The following KCNIP3 variants were observed in gnomAD, a reference collection of about 807,000 sequenced individuals.
KCNIP3 encodes calsenilin.
KCNIP3 carries 28 observed loss-of-function variants against 35.0 expected under a neutral mutation model. The ratio of observed to expected loss-of-function variants is 0.80; its 90% confidence interval spans 0.59 to 1.10. KCNIP3 has a LOEUF of 1.10. Among genes scored for constraint, KCNIP3 ranks in the 50% least tolerant of loss-of-function variants. KCNIP3 has a pLI of 0.00. For missense variants in KCNIP3, 295 were observed against 338.4 expected, an observed-to-expected ratio of 0.87 and a Z score of 1.01; for synonymous variants, 134 against 133.8, an observed-to-expected ratio of 1.00 and a Z score of -0.01.
intron 1 of KCNIP3, among the ~76,000 whole-genome samples, chr2:95,309,452 C>T (rs1156885274): frequency 2.1e-5 from 3 of 144,124 alleles, no homozygotes; most frequent in Admixed American, 7.0e-5. Context: ...TTGAGACAGT[C>T]TGGCTCTGTT....
chr2:95,319,148 C>T (rs1678529406), intron 2 of KCNIP3, among the ~76,000 whole-genome samples: 1 of 152,188 alleles, frequency 6.6e-6, no homozygotes, highest in Non-Finnish European at 1.5e-5. Context: ...CTCACGCATC[C>T]CCAAACAAGT....
rs529377653 is a variant in KCNIP3, at chr2:95,376,853, C to T, written c.447+1645C>T. On this transcript the variant is annotated intron_variant, in intron 5 of 8. Coordinates refer to ENST00000295225, the MANE Select transcript of KCNIP3 (RefSeq NM_013434.5). The surrounding 1 kb of genome is among the most constrained non-coding windows in gnomAD (Gnocchi z 4.2). ...GAGCCTCCTACGTGCGTCTGTAATG[C>T]AAGGCAACCCTGCATGACACTGTCT... Among the ~76,000 whole-genome samples, 2 of 152,298 alleles carry T rather than the reference C, an allele frequency of 1.3e-5. No individual in the cohort carries two copies.
chr2:95,306,178 G>A (rs1199484452), intron 1 of KCNIP3, among the ~76,000 whole-genome samples: 4 of 152,170 alleles, frequency 2.6e-5, no homozygotes, highest in African/African-American at 9.7e-5. Context: ...TTTGGTTCTA[G>A]CTGTTCGGAC....
At chr2:95,325,561 G>A (rs1227441997) in intron 2 of KCNIP3, among the ~76,000 whole-genome samples, 2 of 151,928 alleles carry the variant, frequency 1.3e-5, no homozygotes, top group Non-Finnish European at 2.9e-5. Flanking sequence ...CCAGAGCAGG[G>A]GGCAGGTCAG....
intron 2 of KCNIP3, among the ~76,000 whole-genome samples, chr2:95,329,324 C>G (rs1678870133): frequency 6.6e-6 from 1 of 152,196 alleles, no homozygotes; most frequent in Non-Finnish European, 1.5e-5. Flanking sequence ...TCGACTAAGC[C>G]AAAGGTCTGG....
rs1226801749 is a variant in KCNIP3, at chr2:95,377,092, A to G, written c.447+1884A>G. ...GTGGCTCCTGCTCCCATCCCCACGGACCTTCTGGGATTTGCCAGCAGCAGG... is the reference window on the plus strand; with the variant it reads ...GTGGCTCCTGCTCCCATCCCCACGGGCCTTCTGGGATTTGCCAGCAGCAGG... On this transcript the variant is annotated intron_variant, in intron 5 of 8. Coordinates refer to ENST00000295225, the MANE Select transcript of KCNIP3 (RefSeq NM_013434.5). This position sits in a 1 kb window ranked among gnomAD's most constrained non-coding sequence, Gnocchi z 4.7. 1.3e-5 allele frequency among the ~76,000 whole-genome samples: 2 copies of G among 152,122 alleles called. No homozygotes were observed. The highest frequency in any genetic ancestry group is 4.8e-5 in the African/African-American group (2 of 41,428).
At position 95,376,463 on chromosome 2, in the gene KCNIP3, C is replaced by T. The variant is rs149971905; in HGVS notation, c.447+1255C>T. The stretch of plus-strand genomic sequence containing the variant: ...CCATCACCCTCGCTGTCCTGAGGGA[C>T]AGCCTTGTGGCCCTTTAAGGAAGCA... On this transcript the variant is annotated intron_variant, in intron 5 of 8. Coordinates refer to ENST00000295225, the MANE Select transcript of KCNIP3 (RefSeq NM_013434.5). The surrounding 1 kb of genome is among the most constrained non-coding windows in gnomAD (Gnocchi z 4.2). Among the ~76,000 whole-genome samples the T allele has an allele frequency of 1.1e-4, 16 of 152,330 alleles. No homozygotes were observed. The highest frequency in any genetic ancestry group is 2.1e-4 in the South Asian group (1 of 4,822).
intron 2 of KCNIP3, among the ~76,000 whole-genome samples, chr2:95,339,647 C>T (rs1325640316): frequency 6.6e-6 from 1 of 151,878 alleles, no homozygotes; most frequent in African/African-American, 2.4e-5. Flanking sequence ...AATAGTGAGA[C>T]CCCCAAAACC....
At chr2:95,333,333 A>G (rs1678978959) in intron 2 of KCNIP3, among the ~76,000 whole-genome samples, 2 of 152,206 alleles carry the variant, frequency 1.3e-5, no homozygotes, top group South Asian at 2.1e-4. Flanking sequence ...TATTTGTCAA[A>G]TGAGTAAATG....
intron 2 of KCNIP3, among the ~76,000 whole-genome samples, chr2:95,342,425 C>T (rs903389624): frequency 3.3e-5 from 5 of 152,198 alleles, no homozygotes; most frequent in African/African-American, 1.2e-4. Flanking sequence ...TAGGGGCCTT[C>T]TTAGGACTGT....
At position 95,310,395 on chromosome 2, in the gene KCNIP3, T is replaced by A; in HGVS notation, c.56T>A (p.Leu19His). The change falls in exon 2 of 9, where the codon CTC becomes CAC. Residue 19 changes from leucine (L) to histidine (H), a missense_variant. Coordinates refer to ENST00000295225, the MANE Select transcript of KCNIP3 (RefSeq NM_013434.5). ...KASDGSLLGD[L>H]GHTPLSKKEG... The stretch of plus-strand genomic sequence containing the variant: ...TCGGACGGCAGCCTCCTGGGGGACC[T>A]CGGGCACACACCACTTAGCAAGAAG... 1.9e-6 allele frequency: 3 copies of A among 1,613,222 alleles called. No individual in the cohort carries two copies. The highest frequency in any genetic ancestry group is 1.1e-5 in the South Asian group (1 of 90,966).
intron 2 of KCNIP3, among the ~76,000 whole-genome samples, chr2:95,319,245 G>C (rs923693310): frequency 6.6e-6 from 1 of 152,218 alleles, no homozygotes; most frequent in South Asian, 2.1e-4. Flanking sequence ...TGGTGGAGCC[G>C]GGGGCTCAGT....
intron 2 of KCNIP3, chr2:95,346,621 C>G (rs972883298): frequency 1.4e-5 from 2 of 144,962 alleles, no homozygotes; most frequent in African/African-American, 5.0e-5. Context: ...GCCGCGCCCC[C>G]GCGCCCCGGC....
At chr2:95,344,385 T>C (rs1679294769) in intron 2 of KCNIP3, among the ~76,000 whole-genome samples, 2 of 152,112 alleles carry the variant, frequency 1.3e-5, no homozygotes, top group South Asian at 2.1e-4. Flanking sequence ...CCTACGCTGG[T>C]GAGTGAGCCT....
intron 2 of KCNIP3, among the ~76,000 whole-genome samples, chr2:95,368,199 G>C (rs1679962276): frequency 6.6e-6 from 1 of 152,196 alleles, no homozygotes; most frequent in African/African-American, 2.4e-5. Flanking sequence ...TTAGTGATCA[G>C]CTGTACTGTA....
At chr2:95,373,374 T>A in intron 2 of KCNIP3, among the ~76,000 whole-genome samples, 1 of 147,780 alleles carries the variant, frequency 6.8e-6, no homozygotes, top group Non-Finnish European at 1.5e-5. Context: ...AAATTGCACC[T>A]CCCCCTCAAA....
intron 2 of KCNIP3, among the ~76,000 whole-genome samples, chr2:95,363,590 A>C (rs1328414617): frequency 6.6e-6 from 1 of 152,054 alleles, no homozygotes; most frequent in South Asian, 2.1e-4. Context: ...TATACATTTC[A>C]GTGTGTGTTT....
intron 2 of KCNIP3, among the ~76,000 whole-genome samples, chr2:95,329,822 C>T (rs1678883030): frequency 6.6e-6 from 1 of 152,216 alleles, no homozygotes; most frequent in Non-Finnish European, 1.5e-5. Flanking sequence ...TGTGAGATGC[C>T]CCTGCTTACT....
intron 2 of KCNIP3, among the ~76,000 whole-genome samples, chr2:95,335,036 G>A (rs1209258507): frequency 6.6e-6 from 1 of 152,222 alleles, no homozygotes; most frequent in Non-Finnish European, 1.5e-5. Flanking sequence ...TGGCCAAGTA[G>A]CTTGGTCTTC....
Sources: allele counts gnomAD v4.1 joint callset (sites outside exome capture counted in the v4.1 genomes callset), GRCh38; gene constraint gnomAD v4.1.1; non-coding constraint Gnocchi (gnomAD v3.1); transcripts MANE v1.5; gene names NCBI Gene and HGNC (gene_info 2026-07-23, HGNC 2026-07-21).